Variants in RET observed in about 807,000 individuals in gnomAD.
RET encodes the protein proto-oncogene tyrosine-protein kinase receptor Ret.
Under a neutral mutation model 118.3 loss-of-function variants are expected in RET, and 19 were observed. The ratio of observed to expected loss-of-function variants is 0.16; its 90% CI spans 0.11 to 0.24. The LOEUF is 0.24. Among genes scored for constraint, RET ranks in the 10% least tolerant of loss-of-function variants. The pLI is 1.00. For synonymous variants in RET, 597 were observed against 644.1 expected, an observed-to-expected ratio of 0.93 and a Z score of 1.11; for missense variants, 1,219 against 1,502.1, an observed-to-expected ratio of 0.81 and a Z score of 3.12.
chr10:43,078,581 G>A (rs1210458848), intron 1 of RET, among the ~76,000 whole-genome samples: 1 of 152,244 alleles, frequency 6.6e-6, no homozygotes, highest in African/African-American at 2.4e-5. Flanking sequence ...GGGAAGACAC[G>A]GGGCAGAAGC....
chr10:43,099,237 C>T (rs1695599201), intron 1 of RET, among the ~76,000 whole-genome samples: 1 of 152,134 alleles, frequency 6.6e-6, no homozygotes, highest in African/African-American at 2.4e-5. Context: ...AGGCCGGGCA[C>T]GGTGGCTCAT....
At chr10:43,087,181 C>A (rs1007773280) in intron 1 of RET, among the ~76,000 whole-genome samples, 1 of 152,220 alleles carries the variant, frequency 6.6e-6, no homozygotes, top group Admixed American at 6.5e-5. Flanking sequence ...CATGTTCGTG[C>A]GTGCAGGGAT....
At chr10:43,090,371 G>A (rs1327052093) in intron 1 of RET, among the ~76,000 whole-genome samples, 1 of 152,198 alleles carries the variant, frequency 6.6e-6, no homozygotes, top group Non-Finnish European at 1.5e-5. Context: ...GGTTGGCACT[G>A]GGCTCGTGTG....
chr10:43,108,301 A>G (rs1261720794), intron 5 of RET, among the ~76,000 whole-genome samples: 3 of 152,106 alleles, frequency 2.0e-5, no homozygotes, highest in African/African-American at 7.2e-5. Context: ...CTGCAATGAG[A>G]TGCAACAGAG....
At chr10:43,104,758 C>G in intron 3 of RET, 194 bp from the exon 4 acceptor site, 1 of 812,482 alleles carries the variant, frequency 1.2e-6, no homozygotes, top group Non-Finnish European at 1.9e-6. Context: ...ACTGCAAACT[C>G]GTAAGCACAG....
intron 1 of RET, among the ~76,000 whole-genome samples, chr10:43,097,993 G>T (rs1837557375): frequency 6.6e-6 from 1 of 152,164 alleles, no homozygotes; most frequent in Non-Finnish European, 1.5e-5. Flanking sequence ...GGGCATTCTA[G>T]AGTCTATTTG....
intron 16 of RET, 95 bp from the exon 17 acceptor site, chr10:43,123,576 G>T: frequency 6.6e-7 from 1 of 1,526,558 alleles, no homozygotes; most frequent in Admixed American, 1.7e-5. Flanking sequence ...GACAGGGTCA[G>T]CAGGTGCTTG....
rs77724903 is a variant in RET, at chr10:43,118,460, A to T, written c.2372A>T (p.Tyr791Phe). The T allele has an allele frequency of 1.4e-3, 2,274 of 1,613,928 alleles. 4 individuals carry two copies. Among genetic ancestry groups the T allele is most frequent in the Non-Finnish European group, 1.2e-3 (1,363 of 1,179,956 alleles). Residue 791 changes from tyrosine (Y) to phenylalanine (F), a missense_variant, in exon 13 of 20, where the codon TAT becomes TTT. By Grantham distance (22) the Tyr-to-Phe change is conservative. Around this residue, in one of 5 missense-constraint regions of RET, gnomAD observed 850 missense variants for 969.6 expected, o/e 0.88. Transcript: ENST00000355710. ...QVNHPHVIKL[Y>F]GACSQDGPLL... ...AACCACCCACATGTCATCAAATTGT[A>T]TGGGGCCTGCAGCCAGGATGGTAAG... is the stretch of plus-strand genomic sequence containing the variant.
chr10:43,081,687 T>C (rs893420232), intron 1 of RET, among the ~76,000 whole-genome samples: 1 of 152,128 alleles, frequency 6.6e-6, no homozygotes, highest in African/African-American at 2.4e-5. Context: ...TGAGGTCAAA[T>C]GGGGAGGTCC....
chr10:43,106,055 C>T lies in RET; in HGVS notation c.868-321C>T, dbSNP rs1237669945. 1.3e-5 allele frequency among the ~76,000 whole-genome samples: 2 copies of T among 152,176 alleles called. No homozygotes were observed. Among genetic ancestry groups the T allele is most frequent in the Non-Finnish European group, 2.9e-5 (2 of 68,024 alleles). ...GCTTCCTCAGGGGAGAGTGGAGGTG[C>T]TCATCCTGCTCTCTGGGGACCTGGA... is the stretch of plus-strand genomic sequence containing the variant. On this transcript the variant is annotated intron_variant, in intron 4 of 19. Transcript: ENST00000355710. The surrounding 1 kb of genome is among the most constrained non-coding windows in gnomAD (Gnocchi z 5.1).
In RET at chr10:43,106,591, C is replaced by T. The variant is rs769558279; in HGVS notation, c.1063+20C>T. The T allele has an allele frequency of 5.0e-6, 8 of 1,610,968 alleles. No individual in the cohort carries two copies. The highest frequency in any genetic ancestry group is 3.3e-5 in the Admixed American group (2 of 59,754). On this transcript the variant is annotated intron_variant, in intron 5 of 19. Transcript: ENST00000355710. The surrounding 1 kb of genome is among the most constrained non-coding windows in gnomAD (Gnocchi z 5.1). ...ACTATAGTAAGAGGGGCTGGTGGCA[C>T]GGCCTGGCTAGGCCCCCAGGAAATG...
chr10:43,107,207 C>T (rs1837801389), intron 5 of RET, among the ~76,000 whole-genome samples: 2 of 152,188 alleles, frequency 1.3e-5, no homozygotes, highest in Admixed American at 1.3e-4. Flanking sequence ...ATGAGTCCTT[C>T]ACCCCTTTCT....
At chr10:43,108,573 G>A (rs749327984) in intron 5 of RET, among the ~76,000 whole-genome samples, 10 of 152,112 alleles carry the variant, frequency 6.6e-5, no homozygotes, top group Non-Finnish European at 1.3e-4. Flanking sequence ...TTTTTCTGGT[G>A]TCCCTTGGCC....
chr10:43,098,923 G>A (rs967814220), intron 1 of RET, among the ~76,000 whole-genome samples: 3 of 152,206 alleles, frequency 2.0e-5, no homozygotes, highest in East Asian at 1.9e-4. Context: ...AGTGGGATTG[G>A]TAGATCATAT....
At chr10:43,118,519 C>A (rs1838128076) in intron 13 of RET, 39 bp downstream of exon 13, 1 of 1,490,380 alleles carries the variant, frequency 6.7e-7, no homozygotes, top group African/African-American at 1.4e-5. Context: ...AGCCACTGCA[C>A]CCAGGCTGGG....
At chr10:43,111,547 T>C (rs1837929104) in intron 7 of RET, 82 bp downstream of exon 7, 1 of 1,472,618 alleles carries the variant, frequency 6.8e-7, no homozygotes, top group East Asian at 2.4e-5. Flanking sequence ...AGAAAAGCAG[T>C]ACAGCTGCAA....
chr10:43,086,936 C>T (rs1045157457), intron 1 of RET, among the ~76,000 whole-genome samples: 4 of 152,206 alleles, frequency 2.6e-5, no homozygotes, highest in African/African-American at 9.6e-5. Flanking sequence ...TGCCCAGTTG[C>T]GGACCTCCTT....
intron 1 of RET, among the ~76,000 whole-genome samples, chr10:43,081,537 G>A (rs1428059266): frequency 6.6e-6 from 1 of 152,178 alleles, no homozygotes; most frequent in African/African-American, 2.4e-5. Flanking sequence ...CCTCAGTCAT[G>A]GTCACAGAGA....
chr10:43,080,229 G>T (rs932968811), intron 1 of RET, among the ~76,000 whole-genome samples: 4 of 152,330 alleles, frequency 2.6e-5, no homozygotes, highest in African/African-American at 9.6e-5. Context: ...GGAACCTGGG[G>T]TGCCAAGGGG....
Sources: gnomAD v4.1 joint callset for allele counts (sites outside exome capture counted in the v4.1 genomes callset) on GRCh38, gnomAD v4.1.1 for gene constraint, gnomAD v4.1.1 regional missense constraint, Gnocchi (gnomAD v3.1) non-coding constraint, MANE v1.5 for transcripts, NCBI Gene and HGNC (gene_info 2026-07-23, HGNC 2026-07-21) for gene names.